GPHN: variants seen among roughly 807,000 people sequenced by gnomAD.
The protein encoded by GPHN is gephyrin.
In GPHN, 17 loss-of-function variants were observed where a neutral mutation model predicts 95.5. That is an observed-to-expected ratio of 0.18 (90% CI 0.12 to 0.27). The LOEUF is 0.27. Among genes scored for constraint, GPHN ranks in the 10% least tolerant of loss-of-function variants. GPHN has a pLI of 1.00. For synonymous variants in GPHN, 320 were observed against 322.5 expected (o/e 0.99, Z 0.08); for missense variants, 660 against 978.1 (o/e 0.67, Z 4.34).
the GPHN span, among the ~76,000 whole-genome samples, chr14:67,254,534 G>A: frequency 6.6e-6 from 1 of 152,078 alleles, no homozygotes; most frequent in East Asian, 1.9e-4. Flanking sequence ...ATTCTCATTA[G>A]CCTTCCTTTC....
At chr14:67,302,622 T>C in the GPHN span, 4 of 1,276,906 alleles carry the variant, frequency 3.1e-6, no homozygotes, top group African/African-American at 4.6e-5. Context: ...AAAGCTCTTA[T>C]TAGACTTTAG....
the GPHN span, chr14:67,645,752 A>T: frequency 2.5e-6 from 4 of 1,613,956 alleles, no homozygotes; most frequent in Non-Finnish European, 3.4e-6. Flanking sequence ...TTCATCAGGA[A>T]ATCTCCATGG....
At chr14:67,213,948 CT>C in the GPHN span, among the ~76,000 whole-genome samples, 3 of 152,196 alleles carry the variant, frequency 2.0e-5, 1 homozygote, top group South Asian at 6.2e-4. Context: ...TGTTTTTTGG[CT>C]GCATAAATGG....
intron 9 of GPHN, among the ~76,000 whole-genome samples, chr14:67,008,017 A>T (rs1251475803): frequency 6.6e-6 from 1 of 152,206 alleles, no homozygotes; most frequent in Non-Finnish European, 1.5e-5. Context: ...TTTATAGAAC[A>T]AAGGTGAGGT....
intron 1 of GPHN, among the ~76,000 whole-genome samples, chr14:66,606,355 C>G (rs560655081): frequency 6.6e-6 from 1 of 152,142 alleles, no homozygotes; most frequent in East Asian, 1.9e-4. Context: ...GTCTATGTGT[C>G]TGTTTTTGTA....
At chr14:66,961,408 T>C (rs2153584935) in intron 8 of GPHN, among the ~76,000 whole-genome samples, 1 of 152,092 alleles carries the variant, frequency 6.6e-6, no homozygotes, top group African/African-American at 2.4e-5. Flanking sequence ...AAAATATTGA[T>C]ATATTTAGCA....
At chr14:67,412,141 T>C in the GPHN span, 3 of 1,263,844 alleles carry the variant, frequency 2.4e-6, no homozygotes, top group African/African-American at 3.2e-5. Flanking sequence ...GCCCGCGCAG[T>C]CCGCGCCCAC....
chr14:66,759,986 A>G (rs945229488), intron 2 of GPHN, among the ~76,000 whole-genome samples: 3 of 152,182 alleles, frequency 2.0e-5, no homozygotes, highest in African/African-American at 7.2e-5. Flanking sequence ...CTCTGTTTAA[A>G]TTATTGCTTT....
chr14:67,714,379 C>A, the GPHN span, among the ~76,000 whole-genome samples: 1 of 152,116 alleles, frequency 6.6e-6, no homozygotes, highest in East Asian at 1.9e-4. Context: ...TCAATAAATC[C>A]TCCTGCCTTG....
the GPHN span, chr14:67,200,295 C>T: frequency 2.5e-5 from 17 of 689,862 alleles, no homozygotes; most frequent in Admixed American, 6.0e-5. Context: ...AGTTGCCCCT[C>T]GAGGCCCGCT....
At chr14:66,526,629 T>C (rs2058703926) in intron 1 of GPHN, among the ~76,000 whole-genome samples, 2 of 152,200 alleles carry the variant, frequency 1.3e-5, no homozygotes, top group South Asian at 4.1e-4. Context: ...CATAAATAGC[T>C]CTTATTATTT....
the GPHN span, among the ~76,000 whole-genome samples, chr14:67,242,577 T>C: frequency 6.6e-6 from 1 of 152,202 alleles, no homozygotes; most frequent in Admixed American, 6.5e-5. Context: ...CTTTGAAGTA[T>C]TGGTGGTAAT....
downstream of GPHN, among the ~76,000 whole-genome samples, chr14:67,183,861 C>CT (rs200074524): frequency 0.015 from 1,860 of 128,194 alleles, 17 homozygotes; most frequent in Middle Eastern, 0.033. Flanking sequence ...TTTTTCTTTT[C>CT]TTTTTTTTTT....
At chr14:67,724,491 AG>A in the GPHN span, 1 of 1,599,390 alleles carries the variant, frequency 6.3e-7, no homozygotes. Context: ...TTGCTGGTGG[AG>A]TGTGTAGAAC....
chr14:66,910,058 G>A (rs575814277), intron 5 of GPHN, among the ~76,000 whole-genome samples: 1 of 151,982 alleles, frequency 6.6e-6, no homozygotes, highest in East Asian at 1.9e-4. Context: ...ATGTCTAACT[G>A]GTGAAGATAC....
chr14:67,328,588 T>C, the GPHN span, among the ~76,000 whole-genome samples: 1 of 152,214 alleles, frequency 6.6e-6, no homozygotes, highest in Admixed American at 6.5e-5. Context: ...CTAGGTTTTC[T>C]TCTAGGGTTT....
chr14:67,099,066 G>T (rs1258374108), intron 12 of GPHN, among the ~76,000 whole-genome samples: 1 of 151,730 alleles, frequency 6.6e-6, no homozygotes, highest in Non-Finnish European at 1.5e-5. Context: ...TTGGTAAAAT[G>T]TTGATAATTG....
At chr14:67,539,809 CAT>C in the GPHN span, among the ~76,000 whole-genome samples, 6 of 152,182 alleles carry the variant, frequency 3.9e-5, no homozygotes, top group Non-Finnish European at 8.8e-5. Context: ...TCAGTGTCCT[CAT>C]GTGTGTGTGG....
intron 1 of GPHN, among the ~76,000 whole-genome samples, chr14:66,633,950 G>GTTT (rs372091014): frequency 6.2e-5 from 8 of 129,566 alleles, no homozygotes; most frequent in Admixed American, 3.8e-4. Context: ...TTTTCTTTCT[G>GTTT]TTTTTTTTTT....
Sources: gnomAD v4.1 joint callset for allele counts (sites outside exome capture counted in the v4.1 genomes callset) on GRCh38, gnomAD v4.1.1 for gene constraint, MANE v1.5 for transcripts, NCBI Gene and HGNC (gene_info 2026-07-23, HGNC 2026-07-21) for gene names.